CASD1: variants seen among roughly 807,000 people sequenced by gnomAD.
CASD1 encodes N-acetylneuraminate (7)9-O-acetyltransferase.
A neutral mutation model predicts 100.0 loss-of-function variants in CASD1; 41 were observed. The ratio of observed to expected loss-of-function variants is 0.41; its 90% confidence interval spans 0.32 to 0.53. The LOEUF (loss-of-function observed/expected upper bound fraction) is 0.53. Ranked by LOEUF, CASD1 falls within the 20% of genes least tolerant of loss-of-function variation. The pLI, the probability that CASD1 is intolerant of heterozygous loss-of-function variation, is 0.25. For missense variants in CASD1, 774 were observed against 948.7 expected (o/e 0.82, Z 2.42); for synonymous variants, 321 against 315.6 (o/e 1.02, Z -0.18).
At chr7:94,618,853 A>G in the CASD1 span, 11 of 1,613,950 alleles carry the variant, frequency 6.8e-6, no homozygotes, top group Non-Finnish European at 9.3e-6. Context: ...GCTGCCACAC[A>G]TTTTTCACTG....
chr7:94,549,200 A>G (rs1243332527), intron 13 of CASD1, among the ~76,000 whole-genome samples: 1 of 152,010 alleles, frequency 6.6e-6, no homozygotes, highest in East Asian at 1.9e-4. Context: ...AACCTTAGGT[A>G]GAATGATTTT....
intron 14 of CASD1, among the ~76,000 whole-genome samples, chr7:94,550,092 A>G (rs985844311): frequency 6.6e-6 from 1 of 152,136 alleles, no homozygotes; most frequent in Non-Finnish European, 1.5e-5. Context: ...ACTATGCAAT[A>G]TAGATTTAGT....
At chr7:94,521,250 CTAAAG>C (rs1794251851) in intron 3 of CASD1, among the ~76,000 whole-genome samples, 1 of 151,900 alleles carries the variant, frequency 6.6e-6, no homozygotes, top group Non-Finnish European at 1.5e-5. Flanking sequence ...AGACTTAACA[CTAAAG>C]TAATTTCTGA....
the CASD1 span, among the ~76,000 whole-genome samples, chr7:94,592,289 T>C: frequency 6.6e-6 from 1 of 152,170 alleles, no homozygotes; most frequent in Admixed American, 6.6e-5. Flanking sequence ...CAATCCCAAC[T>C]CTGCTAGTTA....
the CASD1 span, chr7:94,594,456 C>T: frequency 1.3e-5 from 2 of 152,036 alleles, no homozygotes; most frequent in South Asian, 2.1e-4. Flanking sequence ...TCATGACTGT[C>T]GAGGTCATGG....
chr7:94,583,689 A>C, the CASD1 span, among the ~76,000 whole-genome samples: 1 of 152,178 alleles, frequency 6.6e-6, no homozygotes, highest in East Asian at 1.9e-4. Flanking sequence ...GAAAATGTAC[A>C]GAACCACTAC....
chr7:94,596,804 CT>C, the CASD1 span, among the ~76,000 whole-genome samples: 3 of 151,924 alleles, frequency 2.0e-5, no homozygotes, highest in Non-Finnish European at 4.4e-5. Context: ...GTTGCTACTA[CT>C]TTTTTCCAAG....
At chr7:94,527,075 T>G (rs1794607692) in intron 3 of CASD1, 87 bp from the exon 4 acceptor site, 1 of 1,001,970 alleles carries the variant, frequency 1.0e-6, no homozygotes, top group Admixed American at 2.0e-5. Context: ...AAAATATGCA[T>G]AAAAATAAAT....
intron 13 of CASD1, among the ~76,000 whole-genome samples, chr7:94,548,532 A>G (rs1253242088): frequency 6.6e-6 from 1 of 151,758 alleles, no homozygotes; most frequent in Non-Finnish European, 1.5e-5. Flanking sequence ...ATTTTCTGAC[A>G]CATAGATTTT....
the CASD1 span, among the ~76,000 whole-genome samples, chr7:94,571,031 T>G: frequency 6.7e-6 from 1 of 148,278 alleles, no homozygotes; most frequent in African/African-American, 2.6e-5. Context: ...GGAAATGTCT[T>G]AAATTCTCCT....
At chr7:94,598,478 T>A in the CASD1 span, 3 of 337,526 alleles carry the variant, frequency 8.9e-6, no homozygotes, top group Non-Finnish European at 1.6e-5. Context: ...CTTTTTTTTA[T>A]AATTAACTCA....
At chr7:94,537,144 G>T (rs1795160953) in intron 8 of CASD1, among the ~76,000 whole-genome samples, 1 of 151,216 alleles carries the variant, frequency 6.6e-6, no homozygotes, top group Admixed American at 6.6e-5. Context: ...AATTGGTGTT[G>T]GGAAGAAAAA....
chr7:94,524,454 G>A (rs1465225942), intron 3 of CASD1, among the ~76,000 whole-genome samples: 1 of 151,992 alleles, frequency 6.6e-6, no homozygotes, highest in African/African-American at 2.4e-5. Flanking sequence ...TACTATAATG[G>A]CAGAAATTAA....
Position 94,555,758 on chromosome 7 carries a change from G to GTAA in CASD1, c.2394_*1insTAA. ...CCATTCAAGATAAATCAAAACATTAGGTTCCAAAAATTCTAAAAAACCTAA... is the reference window on the plus strand; with the variant it reads ...CCATTCAAGATAAATCAAAACATTAGTAAGTTCCAAAAATTCTAAAAAACCTAA... On this transcript the variant is annotated 3_prime_UTR_variant, in exon 18 of 18. Coordinates refer to ENST00000297273, the MANE Select transcript of CASD1 (RefSeq NM_022900.5). 6.2e-7 allele frequency: 1 copy of GTAA among 1,607,768 alleles called. No homozygotes were observed. Among genetic ancestry groups the GTAA allele is most frequent in the Non-Finnish European group, 8.5e-7 (1 of 1,177,692 alleles).
the CASD1 span, among the ~76,000 whole-genome samples, chr7:94,565,996 C>T: frequency 2.6e-5 from 4 of 152,112 alleles, no homozygotes; most frequent in Non-Finnish European, 5.9e-5. Context: ...TTGGAAGTGT[C>T]AATCATTGAG....
chr7:94,601,470 A>AAAAAAAC, the CASD1 span, among the ~76,000 whole-genome samples: 1 of 130,092 alleles, frequency 7.7e-6, no homozygotes, highest in Admixed American at 8.1e-5. Flanking sequence ...AAAAAAAAAA[A>AAAAAAAC]AAAAAACTAC....
At chr7:94,573,932 A>G in the CASD1 span, among the ~76,000 whole-genome samples, 1 of 152,088 alleles carries the variant, frequency 6.6e-6, no homozygotes, top group African/African-American at 2.4e-5. Context: ...GGAGTTTTTA[A>G]TATGAAGTGG....
At chr7:94,542,901 A>G (rs1001045075) in intron 10 of CASD1, among the ~76,000 whole-genome samples, 1 of 152,194 alleles carries the variant, frequency 6.6e-6, no homozygotes, top group Non-Finnish European at 1.5e-5. Flanking sequence ...AGTCATTTAA[A>G]AAGAACTGAT....
At chr7:94,599,401 C>G in the CASD1 span, 1 of 386,600 alleles carries the variant, frequency 2.6e-6, no homozygotes, top group East Asian at 4.6e-5. Flanking sequence ...CATCTGTTCT[C>G]TGGTTTATAG....
Sources: allele counts gnomAD v4.1 joint callset (sites outside exome capture counted in the v4.1 genomes callset), GRCh38; gene constraint gnomAD v4.1.1; transcripts MANE v1.5; gene names NCBI Gene and HGNC (gene_info 2026-07-23, HGNC 2026-07-21).